Variants in WDR7 observed in about 807,000 individuals in gnomAD.
The protein encoded by WDR7 is WD repeat domain 7, also known as WD repeat-containing protein 7.
Under a neutral mutation model 169.4 loss-of-function variants are expected in WDR7, and 46 were observed. That is an observed-to-expected ratio of 0.27 (90% CI 0.21 to 0.35). The LOEUF is 0.35. WDR7 is among the 10% of genes least tolerant of loss of function. The pLI, the probability that WDR7 is intolerant of heterozygous loss-of-function variation, is 1.00. For missense variants in WDR7, 1,534 were observed against 1,859.3 expected, an observed-to-expected ratio of 0.83 and a Z score of 3.22; for synonymous variants, 612 against 666.8, an observed-to-expected ratio of 0.92 and a Z score of 1.27.
At position 56,670,662 on chromosome 18, in the gene WDR7, C is replaced by G. The variant is rs146304718; in HGVS notation, c.-19-1835C>G. Reference sequence around the variant, plus strand: ...AGTAGCTGGGACTACAGGCACCCACCACCTCGCCTGGCTAATGTTTGTATT... The same window carrying G: ...AGTAGCTGGGACTACAGGCACCCACGACCTCGCCTGGCTAATGTTTGTATT... On this transcript the variant is annotated intron_variant, in intron 1 of 27. Coordinates refer to ENST00000254442, the MANE Select transcript of WDR7 (RefSeq NM_015285.3). Among the ~76,000 whole-genome samples the G allele has an allele frequency of 8.5e-5, 13 of 152,230 alleles. No individual in the cohort carries two copies. In the East Asian group the frequency reaches 2.1e-3, roughly 25 times the overall value.
chr18:56,942,885 G>A (rs1038971790), intron 25 of WDR7, among the ~76,000 whole-genome samples: 22 of 152,326 alleles, frequency 1.4e-4, no homozygotes, highest in African/African-American at 5.3e-4. Context: ...ATTAAGTTAT[G>A]TAGATATTAT....
intron 2 of WDR7, among the ~76,000 whole-genome samples, chr18:56,679,001 A>G (rs568738254): frequency 6.6e-6 from 1 of 152,148 alleles, no homozygotes; most frequent in South Asian, 2.1e-4. Context: ...CACCTTCACT[A>G]GTACTGCACT....
At chr18:56,981,164 T>C (rs965555947) in intron 26 of WDR7, among the ~76,000 whole-genome samples, 6 of 152,188 alleles carry the variant, frequency 3.9e-5, no homozygotes, top group African/African-American at 1.4e-4. Context: ...TAAAATTGAC[T>C]GAACTTGTGA....
At chr18:56,938,808 AGTGTGTGTGTGT>A (rs71171007) in intron 24 of WDR7, 126 bp downstream of exon 24, 9 of 661,854 alleles carry the variant, frequency 1.4e-5, no homozygotes, top group South Asian at 2.1e-5. Context: ...AGAAAGAATG[AGTGTGTGTGTGT>A]GTGTGTGTGT....
intron 26 of WDR7, among the ~76,000 whole-genome samples, chr18:56,964,562 A>G (rs1210805959): frequency 5.9e-5 from 9 of 151,784 alleles, no homozygotes; most frequent in South Asian, 2.1e-4. Context: ...ATTTTTTTGT[A>G]TTTTTAGTAG....
intron 26 of WDR7, among the ~76,000 whole-genome samples, chr18:57,015,801 G>C (rs1469846050): frequency 6.6e-6 from 1 of 152,246 alleles, no homozygotes; most frequent in Non-Finnish European, 1.5e-5. Context: ...GCACTGGGAA[G>C]ATGTGGGTAT....
intron 22 of WDR7, among the ~76,000 whole-genome samples, chr18:56,929,591 T>G (rs1397797238): frequency 1.3e-5 from 2 of 152,222 alleles, no homozygotes; most frequent in African/African-American, 4.8e-5. Flanking sequence ...GCCAAGACTG[T>G]CACTCAGGTT....
chr18:56,883,293 G>T (rs1475925214), intron 21 of WDR7, among the ~76,000 whole-genome samples: 1 of 151,432 alleles, frequency 6.6e-6, no homozygotes, highest in Non-Finnish European at 1.5e-5. Flanking sequence ...GCTGGATGCT[G>T]GGTAGGTTAG....
chr18:56,985,048 A>G (rs1231772584), intron 26 of WDR7, among the ~76,000 whole-genome samples: 1 of 152,154 alleles, frequency 6.6e-6, no homozygotes, highest in African/African-American at 2.4e-5. Context: ...ATAATAAAAC[A>G]TACTATCTTA....
chr18:56,679,839 T>C (rs986064587), intron 3 of WDR7, among the ~76,000 whole-genome samples: 2 of 152,198 alleles, frequency 1.3e-5, no homozygotes, highest in African/African-American at 4.8e-5. Flanking sequence ...TAACGTTATA[T>C]TGATATGTAT....
At chr18:56,987,779 A>G (rs2047745843) in intron 26 of WDR7, among the ~76,000 whole-genome samples, 1 of 152,174 alleles carries the variant, frequency 6.6e-6, no homozygotes, top group Admixed American at 6.5e-5. Context: ...AAAATCGTAC[A>G]TGGTGTAGGT....
intron 20 of WDR7, among the ~76,000 whole-genome samples, chr18:56,866,050 A>G (rs1287438007): frequency 2.0e-5 from 3 of 152,212 alleles, no homozygotes; most frequent in Non-Finnish European, 2.9e-5. Flanking sequence ...ATTTCTATGC[A>G]GTAAACACTG....
intron 2 of WDR7, among the ~76,000 whole-genome samples, chr18:56,675,295 A>G (rs2025220128): frequency 6.6e-6 from 1 of 152,176 alleles, no homozygotes; most frequent in Admixed American, 6.5e-5. Flanking sequence ...CACTAGATCA[A>G]TTTGGAGAGT....
At chr18:56,759,981 CT>C (rs1257181134) in intron 16 of WDR7, among the ~76,000 whole-genome samples, 2 of 152,170 alleles carry the variant, frequency 1.3e-5, no homozygotes, top group African/African-American at 4.8e-5. Flanking sequence ...AACTCCCACA[CT>C]TTCTATGCCA....
rs1242077729 is a variant in WDR7 at position 57,028,215 on chromosome 18, A to G, written c.*1008A>G. The G allele has an allele frequency of 6.6e-6, 1 of 152,248 alleles. No homozygotes were observed. Among genetic ancestry groups the G allele is most frequent in the Non-Finnish European group, 1.5e-5 (1 of 68,036 alleles). 9.4% of individuals were successfully genotyped at this position (152,248 alleles called of 1,614,324 possible). On this transcript the variant is annotated 3_prime_UTR_variant, in exon 28 of 28. Coordinates refer to ENST00000254442, the MANE Select transcript of WDR7 (RefSeq NM_015285.3). ...ACTACTGATCAACTAAAGGAAAGCT[A>G]ATAAGGTATTTCTTTTAAACAAGTA...
At chr18:57,015,915 TAC>T (rs1248777824) in intron 26 of WDR7, among the ~76,000 whole-genome samples, 4 of 152,190 alleles carry the variant, frequency 2.6e-5, no homozygotes, top group African/African-American at 9.7e-5. Context: ...TTTGACTCCA[TAC>T]ACACACAGAC....
chr18:56,972,689 C>A (rs1239928152), intron 26 of WDR7, among the ~76,000 whole-genome samples: 4 of 152,142 alleles, frequency 2.6e-5, no homozygotes, highest in Non-Finnish European at 4.4e-5. Flanking sequence ...AGAAAAACTT[C>A]TAGGTAGAGA....
chr18:56,880,225 A>G, intron 21 of WDR7, 60 bp downstream of exon 21: 1 of 1,484,432 alleles, frequency 6.7e-7, no homozygotes, highest in Non-Finnish European at 9.2e-7. Context: ...ATTTGTCAGC[A>G]AAATCTCATA....
chr18:56,823,118 G>T, intron 20 of WDR7, among the ~76,000 whole-genome samples: 1 of 152,102 alleles, frequency 6.6e-6, no homozygotes. Flanking sequence ...TTCTTTTCTC[G>T]TATTTTCTCT....
Sources: gnomAD v4.1 joint callset for allele counts (sites outside exome capture counted in the v4.1 genomes callset) on GRCh38, gnomAD v4.1.1 for gene constraint, MANE v1.5 for transcripts, NCBI Gene and HGNC (gene_info 2026-07-23, HGNC 2026-07-21) for gene names.